Variants in OPCML observed in about 807,000 individuals in gnomAD.
OPCML encodes opioid-binding protein/cell adhesion molecule.
OPCML carries 13 observed loss-of-function variants against 37.8 expected under a neutral mutation model. That is an observed-to-expected ratio of 0.34 (90% CI 0.22 to 0.55). The LOEUF (loss-of-function observed/expected upper bound fraction) is 0.55. Ranked by LOEUF, OPCML falls within the 20% of genes least tolerant of loss-of-function variation. OPCML has a pLI of 0.91. For synonymous variants in OPCML, 176 were observed against 168.8 expected (o/e 1.04, Z -0.33); for missense variants, 341 against 435.6 (o/e 0.78, Z 1.93).
At chr11:133,531,205 T>A (rs1948598895) in intron 1 of OPCML, among the ~76,000 whole-genome samples, 1 of 152,244 alleles carries the variant, frequency 6.6e-6, no homozygotes, top group Non-Finnish European at 1.5e-5. Flanking sequence ...GAAAGATGCC[T>A]GCAGGCATTC....
At chr11:132,869,635 T>A (rs749485076) in intron 2 of OPCML, among the ~76,000 whole-genome samples, 1 of 152,228 alleles carries the variant, frequency 6.6e-6, no homozygotes, top group Non-Finnish European at 1.5e-5. Context: ...CACAGCATCA[T>A]CTGTACAATC....
intron 1 of OPCML, among the ~76,000 whole-genome samples, chr11:133,467,780 C>T (rs1947010312): frequency 6.6e-6 from 1 of 152,182 alleles, no homozygotes; most frequent in Non-Finnish European, 1.5e-5. Context: ...GGGTGCCCAA[C>T]TTCTTTGGCC....
Position 133,173,923 on chromosome 11 carries a change from G to C in OPCML, c.62-230913C>G, listed in dbSNP as rs1387186135. On this transcript the variant is annotated intron_variant, in intron 1 of 7. Coordinates refer to ENST00000524381, the MANE Select transcript of OPCML (RefSeq NM_001012393.5). This position sits in a 1 kb window ranked among gnomAD's most constrained non-coding sequence, Gnocchi z 7.8. ...ATTGGACCGGGGCCGGCCGGCACTG[G>C]AGCAGCCCTCTCCCTCCATCCATTC... is the stretch of plus-strand genomic sequence containing the variant. 6.6e-6 allele frequency among the ~76,000 whole-genome samples: 1 copy of C among 152,142 alleles called. No homozygotes were observed. The highest frequency in any genetic ancestry group is 1.5e-5 in the Non-Finnish European group (1 of 68,012).
chr11:132,429,952 G>A (rs906928883), intron 7 of OPCML, among the ~76,000 whole-genome samples: 1 of 152,114 alleles, frequency 6.6e-6, no homozygotes, highest in African/African-American at 2.4e-5. Context: ...ACTGAGGAAG[G>A]TAAGGAGACA....
intron 1 of OPCML, among the ~76,000 whole-genome samples, chr11:133,074,826 A>C (rs1446822074): frequency 3.9e-5 from 6 of 152,190 alleles, no homozygotes; most frequent in Non-Finnish European, 8.8e-5. Flanking sequence ...AAATGCTGCT[A>C]TAGGTGGAAA....
intron 2 of OPCML, among the ~76,000 whole-genome samples, chr11:132,787,695 CTAAATGTTAAAGT>C (rs1429182639): frequency 6.6e-6 from 1 of 152,160 alleles, no homozygotes; most frequent in East Asian, 1.9e-4. Flanking sequence ...TGTTTGACTT[CTAAATGTTAAAGT>C]TCTTTAGAAC....
At position 133,205,309 on chromosome 11, in the gene OPCML, G is replaced by A. The variant is rs115549652; in HGVS notation, c.62-262299C>T. 0.011 allele frequency among the ~76,000 whole-genome samples: 1,607 copies of A among 152,196 alleles called. 22 individuals carry two copies. Among genetic ancestry groups the A allele is most frequent in the African/African-American group, 0.037 (1,527 of 41,542 alleles). On this transcript the variant is annotated intron_variant, in intron 1 of 7. Transcript: ENST00000524381. This position sits in a 1 kb window ranked among gnomAD's most constrained non-coding sequence, Gnocchi z 4.8. ...GCCTGGAAGCTCTACACCCCTCCCC[G>A]CTGCCTTGCCCCACACACCTCTTCC...
At chr11:133,469,313 A>G (rs1947051505) in intron 1 of OPCML, among the ~76,000 whole-genome samples, 1 of 152,180 alleles carries the variant, frequency 6.6e-6, no homozygotes, top group Non-Finnish European at 1.5e-5. Context: ...AATCCTTAGT[A>G]CTGTGTTCCA....
intron 4 of OPCML, among the ~76,000 whole-genome samples, chr11:132,489,996 C>T (rs2096210926): frequency 6.6e-6 from 1 of 152,118 alleles, no homozygotes. Context: ...CAGCTTCATC[C>T]ATGTCCCTGC....
At chr11:132,592,508 T>G (rs1460299788) in intron 3 of OPCML, among the ~76,000 whole-genome samples, 1 of 152,222 alleles carries the variant, frequency 6.6e-6, no homozygotes, top group East Asian at 1.9e-4. Context: ...AGGCCCAGGC[T>G]TTGCCAAGAC....
chr11:132,966,229 G>C (rs147087189), intron 1 of OPCML, among the ~76,000 whole-genome samples: 8 of 152,026 alleles, frequency 5.3e-5, no homozygotes, highest in African/African-American at 1.7e-4. Flanking sequence ...GCTATGTTGT[G>C]TCTTTAGTTT....
At chr11:133,221,430 C>T (rs756752785) in intron 1 of OPCML, among the ~76,000 whole-genome samples, 1 of 152,198 alleles carries the variant, frequency 6.6e-6, no homozygotes, top group African/African-American at 2.4e-5. Flanking sequence ...TCTTTCGTAA[C>T]GTGGAGCTAA....
chr11:132,515,039 T>G (rs2096276716), intron 4 of OPCML, among the ~76,000 whole-genome samples: 1 of 152,124 alleles, frequency 6.6e-6, no homozygotes, highest in Non-Finnish European at 1.5e-5. Flanking sequence ...ATGAAAGCAT[T>G]TAGACTGCAA....
chr11:132,953,558 C>T (rs917726731), intron 1 of OPCML, among the ~76,000 whole-genome samples: 4 of 151,880 alleles, frequency 2.6e-5, no homozygotes, highest in Admixed American at 6.6e-5. Flanking sequence ...ATAACAAAAA[C>T]CATTATATTG....
At chr11:132,466,880 G>T (rs1392625413) in intron 4 of OPCML, among the ~76,000 whole-genome samples, 1 of 152,144 alleles carries the variant, frequency 6.6e-6, no homozygotes, top group Non-Finnish European at 1.5e-5. Context: ...GCACTTATGT[G>T]TATTTTTATA....
chr11:132,630,326 G>GA (rs1268082274), intron 3 of OPCML, among the ~76,000 whole-genome samples: 1 of 152,208 alleles, frequency 6.6e-6, no homozygotes, highest in Admixed American at 6.5e-5. Flanking sequence ...TTGGGAGGCT[G>GA]AGGTGGGGCG....
intron 2 of OPCML, among the ~76,000 whole-genome samples, chr11:132,725,390 A>AGG (rs550943135): frequency 6.6e-6 from 1 of 152,026 alleles, no homozygotes; most frequent in South Asian, 2.1e-4. Context: ...TGCACACAGC[A>AGG]GGGGGGGCCC....
At chr11:133,494,265 T>C (rs1192394828) in intron 1 of OPCML, among the ~76,000 whole-genome samples, 2 of 151,906 alleles carry the variant, frequency 1.3e-5, no homozygotes, top group Non-Finnish European at 2.9e-5. Flanking sequence ...ACTTTTACAC[T>C]GTTGGTGGGA....
At chr11:132,435,799 G>A (rs940176190) in intron 7 of OPCML, among the ~76,000 whole-genome samples, 4 of 152,154 alleles carry the variant, frequency 2.6e-5, no homozygotes, top group Admixed American at 6.5e-5. Flanking sequence ...TTGACCCATG[G>A]TTCTATCTTC....
Sources: gnomAD v4.1 joint callset for allele counts (sites outside exome capture counted in the v4.1 genomes callset) on GRCh38, gnomAD v4.1.1 for gene constraint, Gnocchi (gnomAD v3.1) non-coding constraint, MANE v1.5 for transcripts, NCBI Gene and HGNC (gene_info 2026-07-23, HGNC 2026-07-21) for gene names.